The following LFNG variants were observed in gnomAD, a reference collection of about 807,000 sequenced individuals.
LFNG encodes beta-1,3-N-acetylglucosaminyltransferase lunatic fringe.
A neutral mutation model predicts 32.7 loss-of-function variants in LFNG; 15 were observed. That is an observed-to-expected ratio of 0.46 (90% confidence interval 0.31 to 0.71). LFNG has a LOEUF of 0.71. Among genes scored for constraint, LFNG ranks in the 30% least tolerant of loss-of-function variants. LFNG has a pLI of 0.06. For synonymous variants in LFNG, 274 were observed against 246.8 expected (o/e 1.11, Z -1.03); for missense variants, 520 against 545.7 (o/e 0.95, Z 0.47).
chr7:2,519,253 G>A (rs957488214), upstream of LFNG, among the ~76,000 whole-genome samples: 1 of 152,152 alleles, frequency 6.6e-6, no homozygotes, highest in Non-Finnish European at 1.5e-5. Context: ...CGGCTCCCCT[G>A]AACCGAGCGC....
Position 2,519,891 on chromosome 7 carries a change from G to A in LFNG, c.30G>A (p.Leu10=). 1 of 1,103,668 alleles carries A rather than the reference G, an allele frequency of 9.1e-7. No individual in the cohort carries two copies. Among genetic ancestry groups the A allele is most frequent in the Non-Finnish European group, 1.1e-6 (1 of 901,532 alleles). The allele number at this position is 1,103,668 out of a possible 1,614,324, so 68.4% of individuals were successfully genotyped here. A position where few individuals can be genotyped will look rare whatever the true frequency, so the allele number is the denominator to read the frequency against. MLKRCGRRL[L]LALAGALLAC... ...TCAAGCGCTGCGGCCGGCGCCTGCTGCTGGCGCTGGCGGGCGCGCTGCTCG... is the reference window on the plus strand; with the variant it reads ...TCAAGCGCTGCGGCCGGCGCCTGCTACTGGCGCTGGCGGGCGCGCTGCTCG... Residue 10 remains leucine, a synonymous_variant, in exon 1 of 8, where the codon CTG becomes CTA. Transcript: ENST00000222725.
chr7:2,519,510 G>C (rs1583271196), upstream of LFNG, among the ~76,000 whole-genome samples: 1 of 151,722 alleles, frequency 6.6e-6, no homozygotes. Flanking sequence ...ACACCGGCGC[G>C]GGCCGGGCCC....
Position 2,520,181 on chromosome 7 carries a change from C to A in LFNG, c.320C>A (p.Ala107Asp). 1 of 1,568,620 alleles carries A rather than the reference C, an allele frequency of 6.4e-7. No homozygotes were observed. The highest frequency in any genetic ancestry group is 1.8e-5 in the Admixed American group (1 of 55,650). ...GCCGACGGCCACCCGCGCCCCCTGGCCGAGCCGCTCGCGCCCCGAGACGTC... is the reference window on the plus strand; with the variant it reads ...GCCGACGGCCACCCGCGCCCCCTGGACGAGCCGCTCGCGCCCCGAGACGTC... ...RPADGHPRPL[A>D]EPLAPRDVFI... The change falls in exon 1 of 8, where the codon GCC becomes GAC. Residue 107 changes from alanine to aspartate, a missense_variant. By Grantham distance (126) the Ala-to-Asp change is moderately radical. Coordinates refer to ENST00000222725, the MANE Select transcript of LFNG (RefSeq NM_001040167.2). This position sits in a 1 kb window ranked among gnomAD's most constrained non-coding sequence, Gnocchi z 5.0.
At chr7:2,517,717 C>A, upstream of LFNG, 1 of 493,596 alleles carries the variant, frequency 2.0e-6, no homozygotes, top group Non-Finnish European at 3.9e-6. Flanking sequence ...AGGTACAGAG[C>A]ACAACCCGTG....
chr7:2,512,647 T>G (rs1170398889), exon 1 of LFNG: 1 of 1,613,452 alleles, frequency 6.2e-7, no homozygotes, highest in Non-Finnish European at 8.5e-7. Flanking sequence ...GACCCAAAGC[T>G]CAGAGGGATG....
In LFNG at chr7:2,525,259, C is replaced by T; in HGVS notation, c.522C>T (p.Arg174=). ...CAAACTGCTCGGCCGCCCACAGCCG[C>T]CAGGCGCTGTCCTGCAAGATGGCCG... ...VITNCSAAHS[R]QALSCKMAVE... Residue 174 remains arginine, a synonymous_variant, in exon 3 of 8, where the codon CGC becomes CGT. Coordinates refer to ENST00000222725, the MANE Select transcript of LFNG (RefSeq NM_001040167.2). 1.9e-6 allele frequency: 3 copies of T among 1,612,996 alleles called. No individual in the cohort carries two copies. Among genetic ancestry groups the T allele is most frequent in the Non-Finnish European group, 2.5e-6 (3 of 1,179,908 alleles).
downstream of LFNG, chr7:2,528,946 C>A: frequency 2.0e-6 from 1 of 503,826 alleles, no homozygotes; most frequent in South Asian, 2.7e-5. Context: ...GGGAGGCGCT[C>A]AGACTCCAAG....
At chr7:2,518,901 CGAGGGGCGGGCCCGGGCCCGTGG>C (rs1779697340), upstream of LFNG, among the ~76,000 whole-genome samples, 2 of 151,904 alleles carry the variant, frequency 1.3e-5, no homozygotes, top group South Asian at 4.1e-4. Context: ...CCCGCTCGTG[CGAGGGGCGGGCCCGGGCCCGTGG>C]GAAGGGCCGG....
chr7:2,519,515 G>A (rs1226506684), upstream of LFNG, among the ~76,000 whole-genome samples: 1 of 151,602 alleles, frequency 6.6e-6, no homozygotes, highest in Admixed American at 6.6e-5. Flanking sequence ...GGCGCGGGCC[G>A]GGCCCGTCCC....
At chr7:2,512,954 A>G (rs1340834839), upstream of LFNG, among the ~76,000 whole-genome samples, 8 of 151,776 alleles carry the variant, frequency 5.3e-5, no homozygotes, top group Non-Finnish European at 1.0e-4. Flanking sequence ...CCCCTGCCTG[A>G]CTGCACAACC....
chr7:2,518,741 G>A (rs531959527), upstream of LFNG: 14 of 1,190,384 alleles, frequency 1.2e-5, no homozygotes, highest in African/African-American at 9.3e-5. Flanking sequence ...GAGGGCACGG[G>A]AAGACAGCGC....
chr7:2,515,019 TATCCATCC>T (rs148072518), upstream of LFNG, among the ~76,000 whole-genome samples: 27 of 126,260 alleles, frequency 2.1e-4, no homozygotes, highest in South Asian at 5.4e-4. Context: ...TTCATCTGTC[TATCCATCC>T]ATCCATCCAT....
chr7:2,527,051 G>A lies in LFNG; in HGVS notation c.1074-95G>A. On this transcript the variant is annotated intron_variant, in intron 7 of 7. Transcript: ENST00000222725. This position sits in a 1 kb window ranked among gnomAD's most constrained non-coding sequence, Gnocchi z 4.4. ...AGAGGTGTCCCCCGGAGTCCTGCTT[G>A]CTCGGGGTGGGGCCGCCAGTGTTGT... The A allele has an allele frequency of 3.5e-6, 5 of 1,447,264 alleles. No homozygotes were observed. The highest frequency in any genetic ancestry group is 4.8e-6 in the Non-Finnish European group (5 of 1,038,278). 89.7% of individuals were successfully genotyped at this position (1,447,264 alleles called of 1,614,324 possible).
upstream of LFNG, chr7:2,513,367 T>G (rs562453836): frequency 6.4e-7 from 1 of 1,551,828 alleles, no homozygotes; most frequent in Admixed American, 1.8e-5. Flanking sequence ...CTCCCCTTCT[T>G]CTGCTTCCAG....
downstream of LFNG, chr7:2,528,788 C>G: frequency 1.5e-6 from 1 of 655,752 alleles, no homozygotes; most frequent in Non-Finnish European, 2.8e-6. Flanking sequence ...GGGACAGTGA[C>G]TCCTGTGACC....
rs1779998132 is a variant in LFNG at position 2,526,930 on chromosome 7, A to T, written c.1073+9A>T. The T allele has an allele frequency of 1.2e-6, 2 of 1,611,336 alleles. No individual in the cohort carries two copies. The highest frequency in any genetic ancestry group is 2.2e-5 in the South Asian group (2 of 90,906). ...GAGGCCGACCCATCCAGGTAAGGAA[A>T]CCCCGGCCCAGATGGGCTTGCGTAG... On this transcript the variant is annotated intron_variant, in intron 7 of 7. Coordinates refer to ENST00000222725, the MANE Select transcript of LFNG (RefSeq NM_001040167.2). This position sits in a 1 kb window ranked among gnomAD's most constrained non-coding sequence, Gnocchi z 6.9.
chr7:2,519,741 A>C, upstream of LFNG: 2 of 449,114 alleles, frequency 4.5e-6, no homozygotes, highest in Non-Finnish European at 3.0e-6. Flanking sequence ...CGGGGCGGGG[A>C]GGTTTAAGAG....
At chr7:2,513,211 C>T, upstream of LFNG, 1 of 1,613,316 alleles carries the variant, frequency 6.2e-7, no homozygotes, top group Non-Finnish European at 8.5e-7. Context: ...GGGATGAGCA[C>T]ATGAAATGGA....
Position 2,526,498 on chromosome 7 carries a change from G to C in LFNG, c.987+89G>C. The C allele has an allele frequency of 7.0e-7, 1 of 1,431,188 alleles. No individual in the cohort carries two copies. The highest frequency in any genetic ancestry group is 9.7e-7 in the Non-Finnish European group (1 of 1,035,322). 88.7% of individuals were successfully genotyped at this position (1,431,188 alleles called of 1,614,324 possible). ...GAGGGGCGCAGTGGGGTGGGGCACT[G>C]TTCTAAACAGGGAGGCCAGGCAGCA... On this transcript the variant is annotated intron_variant, in intron 6 of 7. Transcript: ENST00000222725. This position sits in a 1 kb window ranked among gnomAD's most constrained non-coding sequence, Gnocchi z 6.9.
Sources: gnomAD v4.1 joint callset for allele counts (sites outside exome capture counted in the v4.1 genomes callset) on GRCh38, gnomAD v4.1.1 for gene constraint, Gnocchi (gnomAD v3.1) non-coding constraint, MANE v1.5 for transcripts, NCBI Gene and HGNC (gene_info 2026-07-23, HGNC 2026-07-21) for gene names.